Variants in PDE4D observed in about 807,000 individuals in gnomAD.
PDE4D encodes the protein 3',5'-cyclic-AMP phosphodiesterase 4D.
In PDE4D, 24 loss-of-function variants were observed where a neutral mutation model predicts 87.4. The ratio of observed to expected loss-of-function variants is 0.27; its 90% confidence interval spans 0.20 to 0.39. The LOEUF is 0.39. PDE4D is among the 10% of genes least tolerant of loss of function. PDE4D has a pLI of 1.00. For missense variants in PDE4D, 714 were observed against 1,041.0 expected, an observed-to-expected ratio of 0.69 and a Z score of 4.32; for synonymous variants, 384 against 383.2, an observed-to-expected ratio of 1.00 and a Z score of -0.02.
At chr5:59,118,419 G>T (rs1350074682) in intron 5 of PDE4D, among the ~76,000 whole-genome samples, 1 of 152,098 alleles carries the variant, frequency 6.6e-6, no homozygotes, top group Non-Finnish European at 1.5e-5. Context: ...CATGGCTGAG[G>T]TCCCCAGCAT....
intron 1 of PDE4D, among the ~76,000 whole-genome samples, chr5:59,534,157 T>C (rs1814717223): frequency 6.6e-6 from 1 of 152,220 alleles, no homozygotes; most frequent in African/African-American, 2.4e-5. Flanking sequence ...CTTGGAATTT[T>C]CTCTTGCATT....
At chr5:60,341,729 CA>C (rs1465987064) in intron 1 of PDE4D, among the ~76,000 whole-genome samples, 1 of 152,118 alleles carries the variant, frequency 6.6e-6, no homozygotes, top group Non-Finnish European at 1.5e-5. Flanking sequence ...GGGCACCATC[CA>C]AGGCCAAAAT....
chr5:59,663,310 G>A (rs1279742348), intron 1 of PDE4D, among the ~76,000 whole-genome samples: 1 of 151,770 alleles, frequency 6.6e-6, no homozygotes, highest in African/African-American at 2.4e-5. Context: ...GATTACAGGT[G>A]CCTGCCACCA....
intron 1 of PDE4D, among the ~76,000 whole-genome samples, chr5:60,467,682 T>C (rs1747466857): frequency 1.3e-5 from 2 of 152,176 alleles, no homozygotes; most frequent in Non-Finnish European, 1.5e-5. Context: ...GGGTAATTTA[T>C]GAAGAAAAGA....
chr5:59,541,124 A>G (rs40216), intron 1 of PDE4D, among the ~76,000 whole-genome samples: 93,158 of 151,978 alleles, frequency 0.61, 31,033 homozygotes, highest in Non-Finnish European at 0.74. Flanking sequence ...ATCAGTTCCC[A>G]TCCTCTACTA....
intron 1 of PDE4D, among the ~76,000 whole-genome samples, chr5:59,760,829 G>A (rs917658076): frequency 6.6e-6 from 1 of 152,040 alleles, no homozygotes; most frequent in African/African-American, 2.4e-5. Context: ...CTTCATTTCC[G>A]TTATAGTAAA....
Position 58,974,497 on chromosome 5 carries a change from T to C in PDE4D, c.*167A>G, listed in dbSNP as rs1262911983. 7 of 489,516 alleles carry C rather than the reference T, an allele frequency of 1.4e-5. No homozygotes were observed. Among genetic ancestry groups the C allele is most frequent in the Non-Finnish European group, 2.1e-5 (6 of 286,742 alleles). 30.3% of individuals were successfully genotyped at this position (489,516 alleles called of 1,614,324 possible). A position where few individuals can be genotyped will look rare whatever the true frequency, so the allele number is the denominator to read the frequency against. ...TCGGATGACATGGAGGTGAAAAAAC[T>C]GGTTACGATATTCCTGAGCGCTGGA... On this transcript the variant is annotated 3_prime_UTR_variant, in exon 15 of 15. Transcript: ENST00000340635.
chr5:60,263,612 A>G (rs1320178535), intron 1 of PDE4D, among the ~76,000 whole-genome samples: 2 of 152,204 alleles, frequency 1.3e-5, no homozygotes, highest in Non-Finnish European at 2.9e-5. Context: ...TTCAATACAC[A>G]GAGCTCAGGA....
At chr5:60,192,438 T>C (rs921839338) in intron 1 of PDE4D, among the ~76,000 whole-genome samples, 2 of 152,246 alleles carry the variant, frequency 1.3e-5, no homozygotes, top group Non-Finnish European at 1.5e-5. Flanking sequence ...AGGAAGTAAC[T>C]TGAAATATGG....
chr5:59,369,030 T>C (rs1783536116), intron 1 of PDE4D, among the ~76,000 whole-genome samples: 1 of 152,236 alleles, frequency 6.6e-6, no homozygotes, highest in Non-Finnish European at 1.5e-5. Flanking sequence ...ATAAAAACGA[T>C]GTGCTTTCTA....
intron 1 of PDE4D, chr5:59,768,605 T>C (rs1763106257): frequency 6.5e-7 from 1 of 1,550,326 alleles, no homozygotes; most frequent in Admixed American, 1.8e-5. Context: ...GGTCTGAGCC[T>C]GCTGCTGTTA....
intron 1 of PDE4D, among the ~76,000 whole-genome samples, chr5:60,468,402 A>C (rs1747555735): frequency 6.6e-6 from 1 of 151,736 alleles, no homozygotes; most frequent in Admixed American, 6.6e-5. Flanking sequence ...GCATCCCAAA[A>C]TGCAGGGATT....
intron 3 of PDE4D, among the ~76,000 whole-genome samples, chr5:59,985,896 A>C (rs1762419493): frequency 6.6e-6 from 1 of 152,226 alleles, no homozygotes; most frequent in South Asian, 2.1e-4. Flanking sequence ...TGTTTGGTTG[A>C]AAAGAATCCT....
intron 2 of PDE4D, among the ~76,000 whole-genome samples, chr5:60,064,062 G>A (rs542853328): frequency 2.4e-4 from 37 of 151,994 alleles, no homozygotes; most frequent in African/African-American, 8.2e-4. Flanking sequence ...GTTATCTGAG[G>A]ACAAATTGAT....
intron 1 of PDE4D, among the ~76,000 whole-genome samples, chr5:59,396,076 A>T (rs1789358250): frequency 8.3e-6 from 1 of 120,308 alleles, no homozygotes; most frequent in African/African-American, 3.3e-5. Context: ...GAAATATGGG[A>T]CTATGTGAAT....
At chr5:60,185,661 G>A (rs546714148) in exon 2 of PDE4D, 20 of 1,078,126 alleles carry the variant, frequency 1.9e-5, no homozygotes, top group African/African-American at 3.1e-5. Flanking sequence ...CTCACTGCAC[G>A]TATCCACTCA....
intron 1 of PDE4D, among the ~76,000 whole-genome samples, chr5:59,300,622 C>G (rs1356748433): frequency 1.3e-5 from 2 of 152,074 alleles, no homozygotes; most frequent in African/African-American, 4.8e-5. Flanking sequence ...TTCCTCTACT[C>G]TCACACCACA....
chr5:59,808,656 AC>A (rs1446802201), intron 1 of PDE4D, among the ~76,000 whole-genome samples: 1 of 152,168 alleles, frequency 6.6e-6, no homozygotes, highest in African/African-American at 2.4e-5. Flanking sequence ...TTCTGCTCAC[AC>A]ATCAAAAGTT....
intron 1 of PDE4D, among the ~76,000 whole-genome samples, chr5:59,734,372 C>T (rs979825809): frequency 5.3e-5 from 8 of 152,104 alleles, no homozygotes; most frequent in Admixed American, 4.6e-4. Context: ...ACTCACACAA[C>T]TCTTCTATCT....
Sources: allele counts gnomAD v4.1 joint callset (sites outside exome capture counted in the v4.1 genomes callset), GRCh38; gene constraint gnomAD v4.1.1; transcripts MANE v1.5; gene names NCBI Gene and HGNC (gene_info 2026-07-23, HGNC 2026-07-21).